BTBD16: variants seen among roughly 807,000 people sequenced by gnomAD.
BTBD16 encodes the protein BTB domain containing 16.
A neutral mutation model predicts 67.4 loss-of-function variants in BTBD16; 66 were observed. That is an observed-to-expected ratio of 0.98 (90% CI 0.80 to 1.20). BTBD16 has a LOEUF of 1.20. BTBD16 is among the 50% of genes most tolerant of loss of function. BTBD16 has a pLI of 0.00. For missense variants in BTBD16, 634 were observed against 616.0 expected (o/e 1.03, Z -0.31); for synonymous variants, 242 against 236.4 (o/e 1.02, Z -0.22).
At chr10:122,331,117 A>G in intron 11 of BTBD16, 59 bp from the exon 12 acceptor site, 2 of 1,571,074 alleles carry the variant, frequency 1.3e-6, no homozygotes, top group Non-Finnish European at 1.7e-6. Context: ...TGTAAATGAG[A>G]CTTTTGAGGC....
Position 122,334,891 on chromosome 10 carries a change from C to T in BTBD16, c.1175C>T (p.Thr392Ile). 1 of 1,554,536 alleles carries T rather than the reference C, an allele frequency of 6.4e-7. No individual in the cohort carries two copies. The highest frequency in any genetic ancestry group is 1.1e-5 in the South Asian group (1 of 88,818). Residue 392 changes from threonine to isoleucine, a missense_variant, in exon 14 of 16, where the codon ACT becomes ATT. Physicochemically the swap from Thr to Ile is moderately conservative, Grantham distance 89. Transcript: ENST00000260723. ...FGLLFNQENTTYSKTIALYGF... is the reference protein window; with the variant it reads ...FGLLFNQENTIYSKTIALYGF... Reference sequence around the variant, plus strand: ...TCTTTCCCAATTTAGGAGAATACAACTTATTCGAAAACGATTGCTCTATAT... The same window carrying T: ...TCTTTCCCAATTTAGGAGAATACAATTTATTCGAAAACGATTGCTCTATAT...
At chr10:122,334,684 T>A (rs1357575173) in intron 13 of BTBD16, among the ~76,000 whole-genome samples, 197 bp from the exon 14 acceptor site, 5 of 148,714 alleles carry the variant, frequency 3.4e-5, no homozygotes, top group Non-Finnish European at 7.4e-5. Context: ...TTTTTTTTTT[T>A]TTTTTTTTGG....
chr10:122,297,739 C>T, intron 7 of BTBD16, 29 bp from the exon 8 acceptor site: 1 of 1,612,892 alleles, frequency 6.2e-7, no homozygotes. Flanking sequence ...TGTGGGGTTC[C>T]TCCAGAAACT....
intron 5 of BTBD16, among the ~76,000 whole-genome samples, chr10:122,288,822 A>T (rs1331114060): frequency 6.6e-6 from 1 of 152,168 alleles, no homozygotes; most frequent in African/African-American, 2.4e-5. Flanking sequence ...CGGAAGCCCC[A>T]CACCATCCCG....
intron 10 of BTBD16, among the ~76,000 whole-genome samples, chr10:122,322,364 T>C (rs932924737): frequency 1.6e-4 from 25 of 152,256 alleles, no homozygotes; most frequent in Middle Eastern, 3.4e-3. Flanking sequence ...TGCATGAGTA[T>C]GGTGTATTGG....
At chr10:122,317,663 A>AT in intron 10 of BTBD16, among the ~76,000 whole-genome samples, 1 of 112,228 alleles carries the variant, frequency 8.9e-6, no homozygotes, top group East Asian at 2.9e-4. Context: ...ACACAAAAAA[A>AT]CAAAAAAAAC....
intron 7 of BTBD16, chr10:122,294,185 G>C: frequency 1.0e-6 from 1 of 985,454 alleles, no homozygotes; most frequent in Non-Finnish European, 1.2e-6. Context: ...CTGCCTTTGA[G>C]AGGCTGATGG....
intron 1 of BTBD16, among the ~76,000 whole-genome samples, chr10:122,272,648 T>C (rs1053101763): frequency 6.6e-6 from 1 of 151,124 alleles, no homozygotes; most frequent in African/African-American, 2.4e-5. Context: ...GCCCCAGATA[T>C]GTTTTCAAAT....
intron 9 of BTBD16, among the ~76,000 whole-genome samples, chr10:122,300,067 A>G (rs1001657353): frequency 1.3e-5 from 2 of 152,150 alleles, no homozygotes; most frequent in Admixed American, 1.3e-4. Flanking sequence ...ATGTTTCCCA[A>G]TGCCGGGCTT....
chr10:122,332,903 A>C (rs1378106470), intron 13 of BTBD16: 14 of 985,190 alleles, frequency 1.4e-5, no homozygotes, highest in Non-Finnish European at 1.6e-5. Context: ...TGCCAAGTCC[A>C]TGTTTAAGCT....
intron 10 of BTBD16, among the ~76,000 whole-genome samples, chr10:122,309,409 A>G (rs2142096686): frequency 6.6e-6 from 1 of 151,112 alleles, no homozygotes; most frequent in South Asian, 2.1e-4. Context: ...CAGTAGCGCC[A>G]TCTCAGCTCA....
chr10:122,331,195 G>A lies in BTBD16; in HGVS notation c.1023G>A (p.Leu341=), dbSNP rs770908751. 6.2e-7 allele frequency: 1 copy of A among 1,613,152 alleles called. No homozygotes were observed. The highest frequency in any genetic ancestry group is 1.1e-5 in the South Asian group (1 of 90,866). Reference sequence around the variant, plus strand: ...TCCCAGGCAAGGATCTGGAGGTGCTGCGGCACCTTAACTTCTTCCCAGAGT... The same window carrying A: ...TCCCAGGCAAGGATCTGGAGGTGCTACGGCACCTTAACTTCTTCCCAGAGT... ...GITKGKDLEV[L]RHLNFFPESW... Residue 341 remains leucine, a synonymous_variant, in exon 12 of 16, where the codon CTG becomes CTA. Transcript: ENST00000260723.
At chr10:122,321,327 T>C (rs2096435041) in intron 10 of BTBD16, among the ~76,000 whole-genome samples, 1 of 152,234 alleles carries the variant, frequency 6.6e-6, no homozygotes, top group African/African-American at 2.4e-5. Flanking sequence ...TGCCTGCATG[T>C]GTCTTCTTGG....
At chr10:122,272,241 C>T (rs2096330352) in intron 1 of BTBD16, among the ~76,000 whole-genome samples, 5 of 152,230 alleles carry the variant, frequency 3.3e-5, no homozygotes, top group Admixed American at 3.3e-4. Context: ...GCCAAAGATG[C>T]TCTTAACACA....
At chr10:122,317,664 CA>C (rs55680223) in intron 10 of BTBD16, among the ~76,000 whole-genome samples, 4 of 150,872 alleles carry the variant, frequency 2.7e-5, no homozygotes, top group Non-Finnish European at 4.4e-5. Context: ...CACAAAAAAA[CA>C]AAAAAAACAA....
chr10:122,282,946 G>A (rs2096356057), intron 3 of BTBD16, among the ~76,000 whole-genome samples: 1 of 152,194 alleles, frequency 6.6e-6, no homozygotes, highest in Non-Finnish European at 1.5e-5. Flanking sequence ...TTTGGGAGAG[G>A]GAGCAGTGCA....
At chr10:122,301,286 CG>C (rs1265873970) in intron 9 of BTBD16, among the ~76,000 whole-genome samples, 1 of 152,162 alleles carries the variant, frequency 6.6e-6, no homozygotes, top group Non-Finnish European at 1.5e-5. Context: ...TGACCACAAC[CG>C]GAAGGTTAGC....
intron 7 of BTBD16, among the ~76,000 whole-genome samples, chr10:122,292,871 T>C (rs945299813): frequency 6.6e-6 from 1 of 152,256 alleles, no homozygotes; most frequent in African/African-American, 2.4e-5. Context: ...GTATCTATAA[T>C]AAGAAAGAGC....
At position 122,328,659 on chromosome 10, in the gene BTBD16, G is replaced by A. The variant is rs1196710739; in HGVS notation, c.912-821G>A. On this transcript the variant is annotated intron_variant, in intron 10 of 15. Coordinates refer to ENST00000260723, the MANE Select transcript of BTBD16 (RefSeq NM_144587.5). ...AGTACCCTGGGTGGGTCCTATGCAGGCTCTGCCTTGAGGGAGTGACTGCAT... is the reference window on the plus strand; with the variant it reads ...AGTACCCTGGGTGGGTCCTATGCAGACTCTGCCTTGAGGGAGTGACTGCAT... 9 of 683,302 alleles carry A rather than the reference G, an allele frequency of 1.3e-5. No homozygotes were observed. The South Asian group carries it at 5.9e-4, about 45-fold the overall frequency. 42.3% of individuals were successfully genotyped at this position (683,302 alleles called of 1,614,324 possible). A position where few individuals can be genotyped will look rare whatever the true frequency, so the allele number is the denominator to read the frequency against.
Sources: gnomAD v4.1 joint callset for allele counts (sites outside exome capture counted in the v4.1 genomes callset) on GRCh38, gnomAD v4.1.1 for gene constraint, MANE v1.5 for transcripts, NCBI Gene and HGNC (gene_info 2026-07-23, HGNC 2026-07-21) for gene names.